GLOD4: variants seen among roughly 807,000 people sequenced by gnomAD.
GLOD4 encodes glyoxalase domain-containing protein 4.
Under a neutral mutation model 39.1 loss-of-function variants are expected in GLOD4, and 44 were observed. The ratio of observed to expected loss-of-function variants is 1.13; its 90% CI spans 0.88 to 1.45. The LOEUF is 1.45. GLOD4 is among the 40% of genes most tolerant of loss of function. The pLI is 0.00. For synonymous variants in GLOD4, 145 were observed against 135.0 expected, an observed-to-expected ratio of 1.07 and a Z score of -0.52; for missense variants, 405 against 366.4, an observed-to-expected ratio of 1.11 and a Z score of -0.86.
chr17:783,349 C>CTT (rs35144249), upstream of GLOD4: 67,619 of 1,273,182 alleles, frequency 0.053, 76 homozygotes, highest in African/African-American at 0.078. Context: ...CCCAGTGTAT[C>CTT]TTTTTTTTTT....
chr17:782,574 A>G, upstream of GLOD4: 1 of 1,614,088 alleles, frequency 6.2e-7, no homozygotes, highest in Non-Finnish European at 8.5e-7. Context: ...ATCTGAGGCC[A>G]GTGCCCAGGA....
intron 1 of GLOD4, chr17:780,525 C>G (rs1227039881): frequency 6.6e-6 from 1 of 152,156 alleles, no homozygotes; most frequent in African/African-American, 2.4e-5. Flanking sequence ...GATATCCTAT[C>G]TTTAGACGTC....
chr17:785,616 C>A (rs969972758), upstream of GLOD4, among the ~76,000 whole-genome samples: 3 of 152,230 alleles, frequency 2.0e-5, no homozygotes, highest in African/African-American at 7.2e-5. Context: ...CAGCGTGAGG[C>A]CTTGGAAGTG....
intron 1 of GLOD4, among the ~76,000 whole-genome samples, chr17:779,930 C>T (rs1317341607): frequency 4.6e-5 from 7 of 151,920 alleles, no homozygotes; most frequent in Non-Finnish European, 8.8e-5. Context: ...TTTGGGAGGC[C>T]GAGGTGGGTG....
At chr17:777,035 C>G in intron 2 of GLOD4, 47 bp from the exon 3 acceptor site, 2 of 1,595,120 alleles carry the variant, frequency 1.3e-6, no homozygotes, top group South Asian at 1.1e-5. Flanking sequence ...ACAAGTCAGC[C>G]TCAGGCCACC....
chr17:772,158 C>A, intron 4 of GLOD4, among the ~76,000 whole-genome samples: 1 of 142,522 alleles, frequency 7.0e-6, no homozygotes. Flanking sequence ...TACTGCACTC[C>A]AGCCTGGGTG....
At position 772,724 on chromosome 17, in the gene GLOD4, G is replaced by A. The variant is rs547816789; in HGVS notation, c.407-1263C>T. Among the ~76,000 whole-genome samples the A allele has an allele frequency of 1.9e-4, 29 of 152,288 alleles. 1 individual carries two copies. The South Asian group carries it at 3.9e-3, about 21-fold the overall frequency. ...ACGAAAAAATATTCAGGCCGGGCGCGGTGGCTCACGCCTGTAATCCCAGCA... is the reference window on the plus strand; with the variant it reads ...ACGAAAAAATATTCAGGCCGGGCGCAGTGGCTCACGCCTGTAATCCCAGCA... On this transcript the variant is annotated intron_variant, in intron 4 of 8. Coordinates refer to ENST00000301329, the MANE Select transcript of GLOD4 (RefSeq NM_016080.4).
chr17:770,055 G>C lies in GLOD4; in HGVS notation c.733C>G (p.Leu245Val). Residue 245 changes from leucine to valine, a missense_variant, in exon 7 of 9, where the codon CTG (leucine) becomes GTG (valine). Coordinates refer to ENST00000301329, the MANE Select transcript of GLOD4 (RefSeq NM_016080.4). The part of the protein sequence containing the change: ...PGKATVQVVI[L>V]ADPDGHEICF... ...TGAGAAATACTTACAGGGTCGGCCA[G>C]AATGACCACCTGTACTGTTGCTTTC... The C allele has an allele frequency of 6.2e-7, 1 of 1,606,502 alleles. No individual in the cohort carries two copies. Among genetic ancestry groups the C allele is most frequent in the Non-Finnish European group, 8.5e-7 (1 of 1,173,094 alleles).
chr17:784,633 G>T (rs1325903101), upstream of GLOD4, among the ~76,000 whole-genome samples: 1 of 152,116 alleles, frequency 6.6e-6, no homozygotes, highest in African/African-American at 2.4e-5. Context: ...ATCATTTCCT[G>T]GCTTATCCTT....
upstream of GLOD4, among the ~76,000 whole-genome samples, chr17:785,464 T>C (rs1035396842): frequency 9.2e-5 from 14 of 152,214 alleles, no homozygotes; most frequent in Non-Finnish European, 1.8e-4. Context: ...AGGAGAGAAT[T>C]TTCCACTAAG....
At chr17:761,050 G>A (rs1460048408) in intron 8 of GLOD4, among the ~76,000 whole-genome samples, 1 of 152,172 alleles carries the variant, frequency 6.6e-6, no homozygotes, top group East Asian at 1.9e-4. Context: ...GTCAAAAAGA[G>A]CCAGGTACCA....
chr17:759,893 G>A lies in GLOD4; in HGVS notation c.*280C>T, dbSNP rs973594887. 5.1e-6 allele frequency: 2 copies of A among 395,280 alleles called. No individual in the cohort carries two copies. The highest frequency in any genetic ancestry group is 4.1e-5 in the Admixed American group (1 of 24,132). The allele number at this position is 395,280 out of a possible 1,614,324, so 24.5% of individuals were successfully genotyped here. The stretch of plus-strand genomic sequence containing the variant: ...ATGTTCATGCCGCTGTCCTAGTCTG[G>A]ACAATCATCTGTCACTCATCCAACA... On this transcript the variant is annotated 3_prime_UTR_variant, in exon 9 of 9. Transcript: ENST00000301329.
At chr17:783,684 A>G (rs1910370858), upstream of GLOD4, among the ~76,000 whole-genome samples, 2 of 152,160 alleles carry the variant, frequency 1.3e-5, no homozygotes, top group African/African-American at 4.8e-5. Context: ...AATTTCTCAT[A>G]CTTGTCTTAG....
rs78312438 is a variant in GLOD4, at chr17:760,397, A to T, written c.832-159T>A. 4.4e-3 allele frequency among the ~76,000 whole-genome samples: 667 copies of T among 152,288 alleles called. 7 individuals are homozygous for T. Among genetic ancestry groups the T allele is most frequent in the African/African-American group, 0.014 (567 of 41,558 alleles). On this transcript the variant is annotated intron_variant, in intron 8 of 8. Coordinates refer to ENST00000301329, the MANE Select transcript of GLOD4 (RefSeq NM_016080.4). ...AAAAAAGAGAAGAGAAATAAAAAAA[A>T]TTTTTTAACATTTAAAGAGTATTAA...
chr17:771,182 CTATA>C (rs1339424006), intron 5 of GLOD4, 139 bp downstream of exon 5: 1 of 566,262 alleles, frequency 1.8e-6, no homozygotes, highest in East Asian at 3.0e-5. Flanking sequence ...TTCTGTTTAT[CTATA>C]TAAATATTGA....
At chr17:782,436 C>G (rs1286377099), upstream of GLOD4, 2 of 1,614,020 alleles carry the variant, frequency 1.2e-6, no homozygotes, top group South Asian at 1.1e-5. Context: ...GCAGGTGGTC[C>G]AGGCTTGGGA....
chr17:783,577 T>C (rs1910357754), upstream of GLOD4: 1 of 335,952 alleles, frequency 3.0e-6, no homozygotes, highest in South Asian at 3.1e-5. Flanking sequence ...CCTCAGGTGA[T>C]CCTCCTGCCT....
At chr17:763,150 T>A (rs1905818262) in intron 8 of GLOD4, among the ~76,000 whole-genome samples, 1 of 144,314 alleles carries the variant, frequency 6.9e-6, no homozygotes, top group South Asian at 2.2e-4. Context: ...GCCACTGCAC[T>A]CCAGCCTGGG....
At chr17:785,039 T>C (rs145381881), upstream of GLOD4, among the ~76,000 whole-genome samples, 19 of 152,330 alleles carry the variant, frequency 1.2e-4, no homozygotes, top group East Asian at 2.7e-3. Context: ...CCATTTATTG[T>C]AGCAATCATA....
Sources: gnomAD v4.1 joint callset for allele counts (sites outside exome capture counted in the v4.1 genomes callset) on GRCh38, gnomAD v4.1.1 for gene constraint, MANE v1.5 for transcripts, NCBI Gene and HGNC (gene_info 2026-07-23, HGNC 2026-07-21) for gene names.